Variants in PRKCA observed in about 807,000 individuals in gnomAD.
The protein encoded by PRKCA is protein kinase C alpha type.
A neutral mutation model predicts 87.0 loss-of-function variants in PRKCA; 27 were observed. That is an observed-to-expected ratio of 0.31 (90% confidence interval 0.23 to 0.43). PRKCA has a LOEUF of 0.43. Ranked by LOEUF, PRKCA falls within the 20% of genes least tolerant of loss-of-function variation. The pLI, the probability that PRKCA is intolerant of heterozygous loss-of-function variation, is 1.00. For synonymous variants in PRKCA, 329 were observed against 311.1 expected (o/e 1.06, Z -0.61); for missense variants, 518 against 852.3 (o/e 0.61, Z 4.88).
intron 2 of PRKCA, among the ~76,000 whole-genome samples, chr17:66,448,272 G>A (rs2055660281): frequency 6.6e-6 from 1 of 152,124 alleles, no homozygotes; most frequent in South Asian, 2.1e-4. Flanking sequence ...TCACATTGCA[G>A]TCTGCCCTAA....
intron 2 of PRKCA, among the ~76,000 whole-genome samples, chr17:66,428,707 T>G (rs1912944482): frequency 6.6e-6 from 1 of 152,052 alleles, no homozygotes; most frequent in Non-Finnish European, 1.5e-5. Flanking sequence ...TTTCACTATG[T>G]TGCTCAGGCT....
At chr17:66,658,086 C>G (rs545858282) in intron 5 of PRKCA, among the ~76,000 whole-genome samples, 1 of 152,102 alleles carries the variant, frequency 6.6e-6, no homozygotes, top group Non-Finnish European at 1.5e-5. Flanking sequence ...AGGAAACTTA[C>G]GATCATGGCA....
chr17:66,707,805 A>G (rs1005294334), intron 8 of PRKCA, among the ~76,000 whole-genome samples: 2 of 152,044 alleles, frequency 1.3e-5, no homozygotes, highest in Admixed American at 6.6e-5. Flanking sequence ...CCTGTCTCCT[A>G]AACAGTAGCT....
chr17:66,489,838 T>G (rs1459855876), intron 2 of PRKCA, among the ~76,000 whole-genome samples: 1 of 151,856 alleles, frequency 6.6e-6, no homozygotes, highest in Admixed American at 6.6e-5. Context: ...TGGGGTACAG[T>G]GGCGTGATCT....
At chr17:66,653,804 A>AG (rs1971656082) in intron 5 of PRKCA, among the ~76,000 whole-genome samples, 1 of 145,138 alleles carries the variant, frequency 6.9e-6, no homozygotes, top group South Asian at 2.1e-4. Context: ...AAAAAAAAAA[A>AG]AAAAACAAAA....
At chr17:66,484,425 A>G (rs1915914349) in intron 2 of PRKCA, among the ~76,000 whole-genome samples, 1 of 152,218 alleles carries the variant, frequency 6.6e-6, no homozygotes, top group Non-Finnish European at 1.5e-5. Flanking sequence ...ATCAGAGACT[A>G]TTGAGAAAGG....
At chr17:66,527,189 C>T (rs1218934288) in intron 3 of PRKCA, among the ~76,000 whole-genome samples, 1 of 152,188 alleles carries the variant, frequency 6.6e-6, no homozygotes, top group Non-Finnish European at 1.5e-5. Context: ...TGGCTATAAT[C>T]TCCGCCTCTC....
At chr17:66,672,633 C>T (rs1486078985) in intron 5 of PRKCA, among the ~76,000 whole-genome samples, 1 of 152,032 alleles carries the variant, frequency 6.6e-6, no homozygotes, top group Non-Finnish European at 1.5e-5. Flanking sequence ...TCAGAAATTT[C>T]AATGAATATT....
At chr17:66,569,946 A>C (rs939326309) in intron 3 of PRKCA, among the ~76,000 whole-genome samples, 3 of 149,046 alleles carry the variant, frequency 2.0e-5, no homozygotes, top group African/African-American at 7.8e-5. Context: ...AGTCATGCCC[A>C]AAATGTTCAC....
intron 2 of PRKCA, among the ~76,000 whole-genome samples, chr17:66,398,992 A>G (rs1006918131): frequency 6.6e-6 from 1 of 152,142 alleles, no homozygotes; most frequent in Non-Finnish European, 1.5e-5. Context: ...TTAAGATCCA[A>G]TTTAGAGAAG....
intron 5 of PRKCA, chr17:66,676,434 C>CAGAGAAG (rs1312258805): frequency 6.6e-6 from 1 of 152,350 alleles, no homozygotes; most frequent in East Asian, 1.9e-4. Flanking sequence ...AACGAGGAAG[C>CAGAGAAG]AGAGGGGCCT....
intron 13 of PRKCA, among the ~76,000 whole-genome samples, chr17:66,768,484 G>A (rs186784661): frequency 5.1e-4 from 78 of 152,244 alleles, no homozygotes; most frequent in Admixed American, 3.9e-3. Context: ...TCCCCCCACT[G>A]CAATTAGTCC....
intron 2 of PRKCA, among the ~76,000 whole-genome samples, chr17:66,449,828 C>T (rs750356759): frequency 4.6e-5 from 7 of 152,098 alleles, no homozygotes; most frequent in Non-Finnish European, 7.4e-5. Context: ...GGATGCTGGA[C>T]GAACGGCCTC....
chr17:66,361,447 G>C (rs1196133638), intron 2 of PRKCA, among the ~76,000 whole-genome samples: 1 of 151,798 alleles, frequency 6.6e-6, no homozygotes, highest in Non-Finnish European at 1.5e-5. Context: ...GAGTAGCTGG[G>C]ATTACAGGCA....
At chr17:66,772,968 T>C (rs1336249889) in intron 13 of PRKCA, among the ~76,000 whole-genome samples, 1 of 152,180 alleles carries the variant, frequency 6.6e-6, no homozygotes, top group Non-Finnish European at 1.5e-5. Flanking sequence ...CATTTCTAAC[T>C]GATAAGCACA....
rs184494732 is a variant in PRKCA, at chr17:66,716,872, G to A, written c.919-15816G>A. The stretch of plus-strand genomic sequence containing the variant: ...CGCTGCCTGTGAATTTATTTTAACC[G>A]TGGCAACAGCCAAAGTGGGTGTGTC... On this transcript the variant is annotated intron_variant, in intron 8 of 16. Coordinates refer to ENST00000413366, the MANE Select transcript of PRKCA (RefSeq NM_002737.3). Among the ~76,000 whole-genome samples, 133 of 152,266 alleles carry A rather than the reference G, an allele frequency of 8.7e-4. 1 individual carries two copies. The highest frequency in any genetic ancestry group is 9.0e-4 in the Non-Finnish European group (61 of 68,020).
rs1346183751 is a variant in PRKCA, at chr17:66,395,349, G to A, written c.205+89222G>A. Among the ~76,000 whole-genome samples the A allele has an allele frequency of 3.9e-5, 6 of 152,164 alleles. No individual in the cohort carries two copies. In the East Asian group the frequency reaches 1.2e-3, roughly 29 times the overall value. ...AAAGAGTGAGGGAAACTAACTTAATGTAACTTATAACCGGTATGTTCATAA... is the reference window on the plus strand; with the variant it reads ...AAAGAGTGAGGGAAACTAACTTAATATAACTTATAACCGGTATGTTCATAA... On this transcript the variant is annotated intron_variant, in intron 2 of 16. Coordinates refer to ENST00000413366, the MANE Select transcript of PRKCA (RefSeq NM_002737.3).
intron 8 of PRKCA, among the ~76,000 whole-genome samples, chr17:66,724,081 T>TA (rs924556954): frequency 3.3e-5 from 5 of 152,260 alleles, no homozygotes; most frequent in Admixed American, 6.5e-5. Flanking sequence ...AGATTTTGTT[T>TA]AAAATGCATG....
chr17:66,606,231 T>C (rs1970206126), intron 3 of PRKCA, among the ~76,000 whole-genome samples: 1 of 152,012 alleles, frequency 6.6e-6, no homozygotes, highest in African/African-American at 2.4e-5. Context: ...TTACTAAAAA[T>C]ACAAAAATTA....
Sources: allele counts gnomAD v4.1 joint callset (sites outside exome capture counted in the v4.1 genomes callset), GRCh38; gene constraint gnomAD v4.1.1; transcripts MANE v1.5; gene names NCBI Gene and HGNC (gene_info 2026-07-23, HGNC 2026-07-21).